The following PHF24 variants were observed in gnomAD, a reference collection of about 807,000 sequenced individuals.
PHF24 encodes the protein Galpha inhibitory interacting protein.
In PHF24, 25 loss-of-function variants were observed where a neutral mutation model predicts 42.6. The observed-to-expected ratio is 0.59, with a 90% CI of 0.43 to 0.82. The LOEUF is 0.82. Among genes scored for constraint, PHF24 ranks in the 40% least tolerant of loss-of-function variants. The pLI, the probability that PHF24 is intolerant of heterozygous loss-of-function variation, is 0.00. For missense variants in PHF24, 470 were observed against 538.1 expected (o/e 0.87, Z 1.25); for synonymous variants, 185 against 204.8 (o/e 0.90, Z 0.83).
chr9:34,766,556 T>A, the PHF24 span, among the ~76,000 whole-genome samples: 1 of 152,242 alleles, frequency 6.6e-6, no homozygotes, highest in Non-Finnish European at 1.5e-5. Flanking sequence ...CTCCATCAGC[T>A]CCTTTAAGCA....
intron 1 of PHF24, among the ~76,000 whole-genome samples, chr9:34,965,906 CA>C (rs1298955660): frequency 6.6e-6 from 1 of 152,146 alleles, no homozygotes; most frequent in Non-Finnish European, 1.5e-5. Context: ...TCCAGATCTC[CA>C]AATAAGTGTT....
the PHF24 span, among the ~76,000 whole-genome samples, chr9:34,865,030 T>C: frequency 6.6e-6 from 1 of 151,464 alleles, no homozygotes; most frequent in South Asian, 2.1e-4. Flanking sequence ...AATATAAAAA[T>C]TAGCTGGGTG....
At chr9:34,961,640 C>A (rs566151528) in intron 1 of PHF24, among the ~76,000 whole-genome samples, 1 of 152,284 alleles carries the variant, frequency 6.6e-6, no homozygotes, top group African/African-American at 2.4e-5. Context: ...ATAGAGTATG[C>A]CTTTTCCCAA....
chr9:34,772,683 A>G, the PHF24 span, among the ~76,000 whole-genome samples: 1 of 152,224 alleles, frequency 6.6e-6, no homozygotes, highest in Admixed American at 6.5e-5. Flanking sequence ...ACTGAACTAA[A>G]TGTAGTAAGT....
the PHF24 span, among the ~76,000 whole-genome samples, chr9:34,729,633 G>T: frequency 1.7e-4 from 26 of 152,252 alleles, no homozygotes; most frequent in East Asian, 5.0e-3. Context: ...TGTAGATGAG[G>T]GTGTTTTGAG....
chr9:34,743,152 A>G, the PHF24 span, among the ~76,000 whole-genome samples: 1 of 152,266 alleles, frequency 6.6e-6, no homozygotes, highest in East Asian at 1.9e-4. Context: ...CTATAGGCTC[A>G]AAGACCTTTT....
chr9:34,852,211 A>C, the PHF24 span, among the ~76,000 whole-genome samples: 1 of 152,210 alleles, frequency 6.6e-6, no homozygotes, highest in Admixed American at 6.5e-5. Flanking sequence ...GTAAGAATAC[A>C]AGATATAATA....
At chr9:34,795,763 G>A in the PHF24 span, among the ~76,000 whole-genome samples, 6 of 152,132 alleles carry the variant, frequency 3.9e-5, no homozygotes, top group African/African-American at 1.4e-4. Flanking sequence ...TTGGGAGTCC[G>A]AGGTGGGAGA....
the PHF24 span, among the ~76,000 whole-genome samples, chr9:34,737,995 CCT>C: frequency 6.6e-6 from 1 of 150,590 alleles, no homozygotes; most frequent in Non-Finnish European, 1.5e-5. Context: ...CCCTTGAATC[CCT>C]GAGTAGCCAT....
chr9:34,875,662 G>A, the PHF24 span, among the ~76,000 whole-genome samples: 1 of 152,102 alleles, frequency 6.6e-6, no homozygotes, highest in African/African-American at 2.4e-5. Context: ...TCTGAGGAAA[G>A]CACTGGAGCC....
chr9:34,704,911 T>A, the PHF24 span, among the ~76,000 whole-genome samples: 3 of 152,340 alleles, frequency 2.0e-5, no homozygotes, highest in East Asian at 3.9e-4. Context: ...GGACTCATTG[T>A]TAGAACATAG....
At chr9:34,738,803 G>T in the PHF24 span, among the ~76,000 whole-genome samples, 99 of 152,294 alleles carry the variant, frequency 6.5e-4, no homozygotes, top group African/African-American at 2.2e-3. Context: ...ATGCTCCCTT[G>T]CTTCCTGCCC....
the PHF24 span, among the ~76,000 whole-genome samples, chr9:34,809,925 C>G: frequency 1.1e-4 from 16 of 150,112 alleles, no homozygotes; most frequent in Admixed American, 1.1e-3. The surrounding 1 kb of genome is among the most constrained non-coding windows in gnomAD (Gnocchi z 4.1). Flanking sequence ...GCCAGTACCT[C>G]GGGGCGCGGG....
At chr9:34,855,195 A>G in the PHF24 span, among the ~76,000 whole-genome samples, 2 of 152,160 alleles carry the variant, frequency 1.3e-5, no homozygotes, top group Admixed American at 6.5e-5. Context: ...TCTCTTGAAG[A>G]CAGCATACCA....
the PHF24 span, among the ~76,000 whole-genome samples, chr9:34,745,108 G>T: frequency 6.6e-6 from 1 of 152,216 alleles, no homozygotes; most frequent in African/African-American, 2.4e-5. Flanking sequence ...GCAGAGGAGG[G>T]ATTAGAGCAA....
chr9:34,780,305 T>C, the PHF24 span, among the ~76,000 whole-genome samples: 6 of 80,410 alleles, frequency 7.5e-5, no homozygotes, highest in African/African-American at 2.2e-4. Flanking sequence ...TTTCTTTTTT[T>C]TTTTTTTTTT....
upstream of PHF24, among the ~76,000 whole-genome samples, chr9:34,953,584 A>AC (rs1428338831): frequency 2.6e-5 from 4 of 152,138 alleles, no homozygotes; most frequent in Admixed American, 1.3e-4. The surrounding 1 kb of genome is among the most constrained non-coding windows in gnomAD (Gnocchi z 4.1). Context: ...TGTTTACTGC[A>AC]CCAGGAGATT....
the PHF24 span, among the ~76,000 whole-genome samples, chr9:34,949,312 C>T: frequency 6.6e-6 from 1 of 151,972 alleles, no homozygotes; most frequent in Non-Finnish European, 1.5e-5. Context: ...CATCTCACGC[C>T]AGTTAGATTG....
the PHF24 span, among the ~76,000 whole-genome samples, chr9:34,720,526 G>C: frequency 6.6e-6 from 1 of 151,346 alleles, no homozygotes; most frequent in Admixed American, 6.6e-5. Flanking sequence ...TCCAGCTCTT[G>C]GCTCCTCTGT....
Sources: allele counts gnomAD v4.1 joint callset (sites outside exome capture counted in the v4.1 genomes callset), GRCh38; gene constraint gnomAD v4.1.1; non-coding constraint Gnocchi (gnomAD v3.1); transcripts MANE v1.5; gene names NCBI Gene and HGNC (gene_info 2026-07-23, HGNC 2026-07-21).